The following TACR1 variants were observed in gnomAD, a reference collection of about 807,000 sequenced individuals.
The protein encoded by TACR1 is substance-P receptor.
A neutral mutation model predicts 35.8 loss-of-function variants in TACR1; 25 were observed. That is an observed-to-expected ratio of 0.70 (90% CI 0.51 to 0.98). TACR1 has a LOEUF of 0.98. TACR1 is among the 50% of genes least tolerant of loss of function. The pLI is 0.00. For missense variants in TACR1, 478 were observed against 522.9 expected (o/e 0.91, Z 0.84); for synonymous variants, 195 against 206.7 (o/e 0.94, Z 0.48).
intron 1 of TACR1, among the ~76,000 whole-genome samples, chr2:75,168,796 G>A (rs1339373906): frequency 3.3e-5 from 5 of 151,956 alleles, no homozygotes; most frequent in Admixed American, 1.3e-4. Flanking sequence ...TGTAAAAAGC[G>A]GATTACAAAA....
intron 2 of TACR1, among the ~76,000 whole-genome samples, chr2:75,088,249 A>G: frequency 6.6e-6 from 1 of 152,068 alleles, no homozygotes; most frequent in Non-Finnish European, 1.5e-5. Flanking sequence ...CTTGTCCTTG[A>G]TCAGGTCCTG....
chr2:75,177,396 C>T (rs116784619), intron 1 of TACR1, among the ~76,000 whole-genome samples: 3,647 of 152,288 alleles, frequency 0.024, 163 homozygotes, highest in African/African-American at 0.083. Flanking sequence ...ATATAGTTTT[C>T]TCCACTTGCC....
rs367678532 is a variant in TACR1 at position 75,084,869 on chromosome 2, A to G, written c.585-31114T>C. Among the ~76,000 whole-genome samples the G allele has an allele frequency of 8.5e-5, 13 of 152,166 alleles. No individual in the cohort carries two copies. The East Asian group carries it at 1.7e-3, about 20-fold the overall frequency. Reference sequence around the variant, plus strand: ...GTCTATCAGTTTTGTCAATCTTTTCAGAAAATTAGCTCCTGGATTCATTGA... The same window carrying G: ...GTCTATCAGTTTTGTCAATCTTTTCGGAAAATTAGCTCCTGGATTCATTGA... On this transcript the variant is annotated intron_variant, in intron 2 of 4. Coordinates refer to ENST00000305249, the MANE Select transcript of TACR1 (RefSeq NM_001058.4).
chr2:75,186,054 A>G (rs1430417585), intron 1 of TACR1, among the ~76,000 whole-genome samples: 5 of 152,208 alleles, frequency 3.3e-5, no homozygotes. Context: ...CTATAGGACT[A>G]TAATTATGAA....
intron 1 of TACR1, among the ~76,000 whole-genome samples, chr2:75,132,181 T>G (rs564911620): frequency 6.6e-6 from 1 of 152,206 alleles, no homozygotes; most frequent in African/African-American, 2.4e-5. Flanking sequence ...AAATAAAGTA[T>G]AAAATTGAGA....
intron 1 of TACR1, among the ~76,000 whole-genome samples, chr2:75,184,117 A>C (rs1572987520): frequency 2.6e-5 from 4 of 152,198 alleles, no homozygotes; most frequent in African/African-American, 9.6e-5. Flanking sequence ...TTAGTAAGTA[A>C]ATCTAATAGT....
intron 2 of TACR1, among the ~76,000 whole-genome samples, chr2:75,112,367 G>A (rs991416636): frequency 8.6e-5 from 13 of 151,918 alleles, no homozygotes; most frequent in African/African-American, 2.9e-4. Context: ...TCTTTCAGAT[G>A]ATTCACTTTA....
At chr2:75,107,080 A>G (rs556696961) in intron 2 of TACR1, among the ~76,000 whole-genome samples, 10 of 152,074 alleles carry the variant, frequency 6.6e-5, no homozygotes, top group African/African-American at 1.9e-4. Flanking sequence ...ATGAAAAAGT[A>G]TAAGTAAACA....
chr2:75,157,011 G>A (rs1383642757), intron 1 of TACR1, among the ~76,000 whole-genome samples: 7 of 152,154 alleles, frequency 4.6e-5, no homozygotes, highest in Non-Finnish European at 2.9e-5. Context: ...GGGGCTGGGT[G>A]CTCCATCCAT....
chr2:75,171,002 C>T lies in TACR1; in HGVS notation c.389+27544G>A, dbSNP rs187005278. On this transcript the variant is annotated intron_variant, in intron 1 of 4. Coordinates refer to ENST00000305249, the MANE Select transcript of TACR1 (RefSeq NM_001058.4). ...GATGCGATATGAGGAGAAATTCAAGCCGGCTGCAGAAATTTGCATAAGTAA... is the reference window on the plus strand; with the variant it reads ...GATGCGATATGAGGAGAAATTCAAGTCGGCTGCAGAAATTTGCATAAGTAA... Among the ~76,000 whole-genome samples, 549 of 152,270 alleles carry T rather than the reference C, an allele frequency of 3.6e-3. 2 individuals are homozygous for T. Among genetic ancestry groups the T allele is most frequent in the Non-Finnish European group, 6.2e-3 (425 of 68,020 alleles).
chr2:75,065,266 C>G (rs1436978086), intron 2 of TACR1, among the ~76,000 whole-genome samples: 1 of 152,232 alleles, frequency 6.6e-6, no homozygotes, highest in African/African-American at 2.4e-5. Context: ...CCCCTACATT[C>G]CTTACCATGT....
intron 1 of TACR1, among the ~76,000 whole-genome samples, chr2:75,170,987 G>A (rs986054753): frequency 6.6e-6 from 1 of 152,196 alleles, no homozygotes; most frequent in Non-Finnish European, 1.5e-5. Flanking sequence ...GATGCGATAT[G>A]AGGAGAAATT....
chr2:75,171,695 TG>T (rs1233675393), intron 1 of TACR1, among the ~76,000 whole-genome samples: 2 of 152,228 alleles, frequency 1.3e-5, no homozygotes, highest in African/African-American at 4.8e-5. Flanking sequence ...GACCTGGATG[TG>T]AGACGTGGAC....
At chr2:75,169,405 G>C (rs1403105571) in intron 1 of TACR1, among the ~76,000 whole-genome samples, 1 of 152,110 alleles carries the variant, frequency 6.6e-6, no homozygotes, top group Non-Finnish European at 1.5e-5. Flanking sequence ...TTTCATGCAG[G>C]AATAACAATG....
chr2:75,081,510 G>T (rs1673085622), intron 2 of TACR1, among the ~76,000 whole-genome samples: 1 of 152,266 alleles, frequency 6.6e-6, no homozygotes, highest in Middle Eastern at 3.4e-3. Flanking sequence ...TGCTCTTTTT[G>T]CCTTAGGGGT....
At chr2:75,056,507 G>GA (rs1284602818) in intron 2 of TACR1, among the ~76,000 whole-genome samples, 3 of 152,168 alleles carry the variant, frequency 2.0e-5, no homozygotes, top group Non-Finnish European at 4.4e-5. Context: ...TCCTTCCTGA[G>GA]AAAACCCCAA....
At chr2:75,137,924 T>G (rs988193150) in intron 1 of TACR1, among the ~76,000 whole-genome samples, 9 of 152,082 alleles carry the variant, frequency 5.9e-5, no homozygotes, top group Non-Finnish European at 1.2e-4. Context: ...CATAAGACAT[T>G]CCAGAGTATT....
At chr2:75,071,139 T>C (rs1050996725) in intron 2 of TACR1, among the ~76,000 whole-genome samples, 1 of 152,220 alleles carries the variant, frequency 6.6e-6, no homozygotes, top group African/African-American at 2.4e-5. Flanking sequence ...GAAGAGACTG[T>C]AGGACCTGCC....
chr2:75,155,656 C>G (rs1485999892), intron 1 of TACR1, among the ~76,000 whole-genome samples: 2 of 152,196 alleles, frequency 1.3e-5, no homozygotes, highest in Non-Finnish European at 2.9e-5. Flanking sequence ...CAATTACCCT[C>G]CATTATTATA....
Sources: gnomAD v4.1 joint callset for allele counts (sites outside exome capture counted in the v4.1 genomes callset) on GRCh38, gnomAD v4.1.1 for gene constraint, MANE v1.5 for transcripts, NCBI Gene and HGNC (gene_info 2026-07-23, HGNC 2026-07-21) for gene names.